PID1: variants seen among roughly 807,000 people sequenced by gnomAD.
The protein encoded by PID1 is phosphotyrosine interaction domain containing 1, also known as PTB-containing, cubilin and LRP1-interacting protein.
Under a neutral mutation model 19.1 loss-of-function variants are expected in PID1, and 10 were observed. The ratio of observed to expected loss-of-function variants is 0.52; its 90% CI spans 0.32 to 0.89. PID1 has a LOEUF of 0.89. Among genes scored for constraint, PID1 ranks in the 40% least tolerant of loss-of-function variants. The pLI is 0.03. For synonymous variants in PID1, 130 were observed against 116.0 expected (o/e 1.12, Z -0.78); for missense variants, 248 against 285.3 (o/e 0.87, Z 0.94).
chr2:229,227,403 T>C (rs1332401621), intron 1 of PID1, among the ~76,000 whole-genome samples: 2 of 152,192 alleles, frequency 1.3e-5, no homozygotes, highest in Non-Finnish European at 2.9e-5. Flanking sequence ...CAGCATTGGG[T>C]CAAATTACTT....
At chr2:229,057,203 CG>C in intron 2 of PID1, among the ~76,000 whole-genome samples, 1 of 151,972 alleles carries the variant, frequency 6.6e-6, no homozygotes, top group Admixed American at 6.6e-5. Context: ...TTTGGGAGGC[CG>C]AGGAGGGCAG....
rs1257049452 is a variant in PID1 at position 229,025,654 on chromosome 2, T to G, written c.632A>C (p.Glu211Ala). The change falls in exon 3 of 3, where the codon GAA (glutamate) becomes GCA (alanine). Residue 211 changes from glutamate (E) to alanine (A), a missense_variant. By Grantham distance (107) the Glu-to-Ala change is moderately radical. Coordinates refer to ENST00000392055, the MANE Select transcript of PID1 (RefSeq NM_001100818.2). ...SNSSSEEVSQELESDDG is the reference protein window; with the variant it reads ...SNSSSEEVSQALESDDG ...CATTCAGCCATCATCGGATTCCAAT[T>G]CCTGGGAAACCTCTTCGGAGGAGCT... 13 of 1,610,360 alleles carry G rather than the reference T, an allele frequency of 8.1e-6. No individual in the cohort carries two copies. The highest frequency in any genetic ancestry group is 1.1e-5 in the Non-Finnish European group (13 of 1,176,872).
intron 1 of PID1, among the ~76,000 whole-genome samples, chr2:229,250,654 C>T (rs10933284): frequency 0.43 from 65,410 of 151,982 alleles, 14,472 homozygotes; most frequent in Non-Finnish European, 0.48. Context: ...AAAAAAGTGC[C>T]CAGTTAAAAT....
chr2:229,248,048 T>C (rs1225931478), intron 1 of PID1, among the ~76,000 whole-genome samples: 2 of 152,172 alleles, frequency 1.3e-5, no homozygotes, highest in African/African-American at 2.4e-5. Context: ...GAGAGTAAGA[T>C]ACAGACGCTA....
intron 2 of PID1, among the ~76,000 whole-genome samples, chr2:229,067,227 A>G (rs1694346847): frequency 6.6e-6 from 1 of 152,124 alleles, no homozygotes; most frequent in Admixed American, 6.6e-5. Context: ...CCCATGATTA[A>G]ATTATCTCCA....
intron 1 of PID1, among the ~76,000 whole-genome samples, chr2:229,236,822 C>A (rs539794905): frequency 6.6e-6 from 1 of 152,110 alleles, no homozygotes; most frequent in Non-Finnish European, 1.5e-5. Flanking sequence ...GCAAACTATA[C>A]CCAGTTCCAA....
At chr2:229,082,976 T>C (rs1299574298) in intron 2 of PID1, among the ~76,000 whole-genome samples, 1 of 151,852 alleles carries the variant, frequency 6.6e-6, no homozygotes, top group African/African-American at 2.4e-5. Flanking sequence ...TTGATGCCCA[T>C]AAATTGACGG....
At chr2:229,083,183 C>A (rs1334654432) in intron 2 of PID1, among the ~76,000 whole-genome samples, 2 of 152,206 alleles carry the variant, frequency 1.3e-5, no homozygotes, top group African/African-American at 4.8e-5. Context: ...CATGGCCCAA[C>A]TGAACACCTT....
intron 1 of PID1, among the ~76,000 whole-genome samples, chr2:229,268,457 G>A (rs1350648413): frequency 6.6e-6 from 1 of 152,118 alleles, no homozygotes; most frequent in Non-Finnish European, 1.5e-5. Flanking sequence ...TCAAGAAAGG[G>A]TCTGGTTATT....
chr2:229,229,116 A>G (rs1692147527), intron 1 of PID1, among the ~76,000 whole-genome samples: 1 of 152,220 alleles, frequency 6.6e-6, no homozygotes, highest in Non-Finnish European at 1.5e-5. Context: ...CTATGTGTGC[A>G]GTAAAGACTG....
chr2:229,034,851 G>A lies in PID1; in HGVS notation c.178-8743C>T, dbSNP rs182886938. 1.3e-3 allele frequency among the ~76,000 whole-genome samples: 199 copies of A among 152,178 alleles called. 3 individuals are homozygous for A. Among genetic ancestry groups the A allele is most frequent in the Middle Eastern group, 3.4e-3 (1 of 294 alleles). The stretch of plus-strand genomic sequence containing the variant: ...AAATTGCTCAAAATATGGAGCCTAT[G>A]ATGGAAAATGTGTACCTGTCAGTGA... On this transcript the variant is annotated intron_variant, in intron 2 of 2. Transcript: ENST00000392055.
chr2:229,051,984 C>T (rs1008300552), intron 2 of PID1, among the ~76,000 whole-genome samples: 3 of 152,142 alleles, frequency 2.0e-5, no homozygotes, highest in Non-Finnish European at 2.9e-5. Flanking sequence ...CCTTTGGTCC[C>T]CAGCTCAACT....
At chr2:229,049,190 A>G (rs1693942125) in intron 2 of PID1, among the ~76,000 whole-genome samples, 1 of 152,112 alleles carries the variant, frequency 6.6e-6, no homozygotes, top group Non-Finnish European at 1.5e-5. Flanking sequence ...AATAATGATG[A>G]TCATCACTTT....
chr2:229,258,401 A>G (rs1203512785), intron 1 of PID1, among the ~76,000 whole-genome samples: 2 of 152,240 alleles, frequency 1.3e-5, no homozygotes, highest in East Asian at 3.8e-4. Flanking sequence ...GAAAAATTAT[A>G]GAGTTCATTA....
At chr2:229,224,848 A>C (rs200787587) in intron 1 of PID1, among the ~76,000 whole-genome samples, 1 of 129,240 alleles carries the variant, frequency 7.7e-6, no homozygotes, top group African/African-American at 2.8e-5. Context: ...AAAAAAAAAA[A>C]CCTATATTCA....
At chr2:229,143,601 C>A (rs564911952) in intron 2 of PID1, among the ~76,000 whole-genome samples, 1 of 152,184 alleles carries the variant, frequency 6.6e-6, no homozygotes, top group East Asian at 1.9e-4. Context: ...TTAAAGCTTG[C>A]AAAGTGTTGA....
intron 1 of PID1, among the ~76,000 whole-genome samples, chr2:229,214,619 C>A (rs564258158): frequency 4.6e-5 from 7 of 152,234 alleles, no homozygotes; most frequent in African/African-American, 1.7e-4. Flanking sequence ...TAACTATCTA[C>A]CTGTTCACTG....
chr2:229,145,330 C>T (rs913112682), intron 2 of PID1, among the ~76,000 whole-genome samples: 2 of 151,616 alleles, frequency 1.3e-5, no homozygotes, highest in Non-Finnish European at 2.9e-5. Context: ...CCATAAGGCA[C>T]ATTATTAATG....
At chr2:229,192,551 A>C (rs1158366127) in intron 1 of PID1, among the ~76,000 whole-genome samples, 2 of 152,222 alleles carry the variant, frequency 1.3e-5, no homozygotes, top group African/African-American at 4.8e-5. Context: ...ACAAGCAATA[A>C]TTTGAAGAAT....
Sources: allele counts gnomAD v4.1 joint callset (sites outside exome capture counted in the v4.1 genomes callset), GRCh38; gene constraint gnomAD v4.1.1; transcripts MANE v1.5; gene names NCBI Gene and HGNC (gene_info 2026-07-23, HGNC 2026-07-21).